The following FARS2 variants were observed in gnomAD, a reference collection of about 807,000 sequenced individuals.
The protein encoded by FARS2 is phenylalanyl-tRNA synthetase 2, mitochondrial.
FARS2 carries 40 observed loss-of-function variants against 46.4 expected under a neutral mutation model. That is an observed-to-expected ratio of 0.86 (90% CI 0.67 to 1.12). The LOEUF (loss-of-function observed/expected upper bound fraction) is 1.12. FARS2 is among the 50% of genes most tolerant of loss of function. The pLI is 0.00. For missense variants in FARS2, 513 were observed against 567.9 expected (o/e 0.90, Z 0.98); for synonymous variants, 234 against 214.9 (o/e 1.09, Z -0.78).
At chr6:5,731,006 C>G (rs960469226) in intron 6 of FARS2, among the ~76,000 whole-genome samples, 20 of 152,156 alleles carry the variant, frequency 1.3e-4, no homozygotes, top group African/African-American at 4.6e-4. Context: ...AGCATCAACC[C>G]TAATGACTAC....
chr6:5,483,459 C>T (rs957571766), intron 4 of FARS2, among the ~76,000 whole-genome samples: 110 of 152,098 alleles, frequency 7.2e-4, no homozygotes, highest in African/African-American at 2.6e-3. Context: ...CCTGAGGTCA[C>T]GAGGTCAAGA....
rs1776227803 is a variant in FARS2, at chr6:5,630,012, T to C, written c.1217+16692T>C. ...TTAGTGACTTTTGGACTTCCTGAGT[T>C]TGAGGCAGGACACAGGGGAATGTTA... On this transcript the variant is annotated intron_variant, in intron 6 of 6. Transcript: ENST00000274680. The surrounding 1 kb of genome is among the most constrained non-coding windows in gnomAD (Gnocchi z 4.2). Among the ~76,000 whole-genome samples the C allele has an allele frequency of 6.6e-6, 1 of 152,128 alleles. No homozygotes were observed. Among genetic ancestry groups the C allele is most frequent in the African/African-American group, 2.4e-5 (1 of 41,422 alleles).
chr6:5,737,388 G>C (rs1352302804), intron 6 of FARS2, among the ~76,000 whole-genome samples: 1 of 152,192 alleles, frequency 6.6e-6, no homozygotes, highest in Admixed American at 6.5e-5. Context: ...AAAATTAACT[G>C]TACGTGGTGG....
At chr6:5,638,224 G>A (rs1472223924) in intron 6 of FARS2, among the ~76,000 whole-genome samples, 1 of 152,180 alleles carries the variant, frequency 6.6e-6, no homozygotes, top group Non-Finnish European at 1.5e-5. Flanking sequence ...GCTACTACAG[G>A]TACTGGAGGC....
chr6:5,649,514 G>A (rs913141580), intron 6 of FARS2, among the ~76,000 whole-genome samples: 1 of 152,200 alleles, frequency 6.6e-6, no homozygotes, highest in African/African-American at 2.4e-5. Context: ...GCTGCTGGGG[G>A]CTTCATTCCC....
chr6:5,771,160 T>C lies in FARS2; in HGVS notation c.1218-131T>C. On this transcript the variant is annotated intron_variant, in intron 6 of 6. Transcript: ENST00000274680. ...TGTATAAGATGCAGATTGTTAGCGG[T>C]AAATGGTACCTGGATTCCAACCTCA... is the stretch of plus-strand genomic sequence containing the variant. The C allele has an allele frequency of 5.3e-6, 5 of 938,664 alleles. No individual in the cohort carries two copies. The South Asian group carries it at 7.5e-5, about 14-fold the overall frequency. 58.1% of individuals were successfully genotyped at this position (938,664 alleles called of 1,614,324 possible).
chr6:5,542,303 T>C (rs1262701256), intron 4 of FARS2, among the ~76,000 whole-genome samples: 1 of 152,194 alleles, frequency 6.6e-6, no homozygotes, highest in East Asian at 1.9e-4. Flanking sequence ...TTCTACTATA[T>C]GGATATACCA....
chr6:5,361,763 C>A (rs953386084), intron 1 of FARS2, among the ~76,000 whole-genome samples: 2 of 152,126 alleles, frequency 1.3e-5, no homozygotes, highest in Non-Finnish European at 2.9e-5. Flanking sequence ...TGCTTGAACA[C>A]TTTTGTCTAG....
At chr6:5,698,480 G>T (rs1416288958) in intron 6 of FARS2, among the ~76,000 whole-genome samples, 1 of 152,190 alleles carries the variant, frequency 6.6e-6, no homozygotes, top group Non-Finnish European at 1.5e-5. Flanking sequence ...TGAGATTTGG[G>T]CAGGGACAAG....
chr6:5,457,272 G>A (rs1764951133), intron 4 of FARS2, among the ~76,000 whole-genome samples: 1 of 152,096 alleles, frequency 6.6e-6, no homozygotes, highest in Non-Finnish European at 1.5e-5. Flanking sequence ...ATGGTCAGGG[G>A]GCATGGGTAT....
chr6:5,653,709 C>T (rs181341568), intron 6 of FARS2, among the ~76,000 whole-genome samples: 1 of 152,346 alleles, frequency 6.6e-6, no homozygotes, highest in Admixed American at 6.5e-5. Context: ...CCCCAACCTT[C>T]ATTCATTGAT....
upstream of FARS2, among the ~76,000 whole-genome samples, chr6:5,260,376 C>G (rs914649512): frequency 2.0e-5 from 3 of 152,254 alleles, no homozygotes; most frequent in Non-Finnish European, 4.4e-5. Context: ...ACTAATCATG[C>G]TCCTAGAATA....
intron 2 of FARS2, among the ~76,000 whole-genome samples, chr6:5,402,093 C>A (rs979432482): frequency 3.3e-5 from 5 of 151,438 alleles, no homozygotes; most frequent in Admixed American, 6.6e-5. Context: ...ATTCTTCTTT[C>A]TTTATTTTAC....
At chr6:5,558,315 C>T (rs557166184) in intron 5 of FARS2, among the ~76,000 whole-genome samples, 8 of 152,018 alleles carry the variant, frequency 5.3e-5, no homozygotes, top group South Asian at 2.1e-4. Context: ...GACAGAGAAA[C>T]AAGTTACTTT....
intron 1 of FARS2, among the ~76,000 whole-genome samples, chr6:5,360,760 A>G (rs1004957690): frequency 6.6e-6 from 1 of 152,224 alleles, no homozygotes; most frequent in African/African-American, 2.4e-5. Context: ...CCTCTCAGAA[A>G]GAAGGTCTGG....
chr6:5,746,725 A>G (rs1761667885), intron 6 of FARS2, among the ~76,000 whole-genome samples: 1 of 152,164 alleles, frequency 6.6e-6, no homozygotes, highest in African/African-American at 2.4e-5. Flanking sequence ...CGCCCCAGTC[A>G]GTGCATGGAA....
At chr6:5,610,460 A>G (rs1379309891) in intron 5 of FARS2, among the ~76,000 whole-genome samples, 2 of 152,242 alleles carry the variant, frequency 1.3e-5, no homozygotes, top group African/African-American at 4.8e-5. Flanking sequence ...ATACAACAAT[A>G]AAACATAATA....
At chr6:5,386,579 A>C (rs1224885655) in intron 2 of FARS2, among the ~76,000 whole-genome samples, 1 of 152,196 alleles carries the variant, frequency 6.6e-6, no homozygotes, top group African/African-American at 2.4e-5. Flanking sequence ...AGTGCAGGCT[A>C]AGCCAAGGAA....
intron 1 of FARS2, among the ~76,000 whole-genome samples, chr6:5,341,465 A>G (rs1771648715): frequency 6.7e-6 from 1 of 149,456 alleles, no homozygotes; most frequent in Non-Finnish European, 1.5e-5. Context: ...CTGTTTCCCT[A>G]CTTGGGACTC....
Sources: gnomAD v4.1 joint callset for allele counts (sites outside exome capture counted in the v4.1 genomes callset) on GRCh38, gnomAD v4.1.1 for gene constraint, Gnocchi (gnomAD v3.1) non-coding constraint, MANE v1.5 for transcripts, NCBI Gene and HGNC (gene_info 2026-07-23, HGNC 2026-07-21) for gene names.